CHRM3: variants seen among roughly 807,000 people sequenced by gnomAD.
CHRM3 encodes the protein muscarinic acetylcholine receptor M3.
Under a neutral mutation model 41.8 loss-of-function variants are expected in CHRM3, and 11 were observed. The ratio of observed to expected loss-of-function variants is 0.26; its 90% CI spans 0.17 to 0.44. CHRM3 has a LOEUF of 0.44. Ranked by LOEUF, CHRM3 falls within the 20% of genes least tolerant of loss-of-function variation. The pLI is 1.00. For synonymous variants in CHRM3, 297 were observed against 301.4 expected (o/e 0.99, Z 0.15); for missense variants, 571 against 745.4 (o/e 0.77, Z 2.72).
At chr1:239,559,885 A>G (rs2148484093) in intron 3 of CHRM3, among the ~76,000 whole-genome samples, 1 of 152,334 alleles carries the variant, frequency 6.6e-6, no homozygotes, top group African/African-American at 2.4e-5. Flanking sequence ...TATCAAAATT[A>G]ACCTTTAAGG....
At chr1:239,884,122 G>A (rs532274220) in intron 6 of CHRM3, among the ~76,000 whole-genome samples, 70 of 152,252 alleles carry the variant, frequency 4.6e-4, no homozygotes, top group African/African-American at 1.3e-3. Context: ...AAAAAGATAC[G>A]ACCACATTCT....
At chr1:239,659,176 T>C (rs1672974330) in intron 4 of CHRM3, among the ~76,000 whole-genome samples, 1 of 152,220 alleles carries the variant, frequency 6.6e-6, no homozygotes, top group Non-Finnish European at 1.5e-5. Context: ...GTTCTCTTTC[T>C]ATACGTGTTC....
intron 2 of CHRM3, among the ~76,000 whole-genome samples, chr1:239,504,488 C>G (rs1290340889): frequency 6.6e-6 from 1 of 152,160 alleles, no homozygotes; most frequent in Admixed American, 6.5e-5. Flanking sequence ...AGTACAACCA[C>G]TATGGAAAAT....
intron 5 of CHRM3, among the ~76,000 whole-genome samples, chr1:239,780,188 T>C (rs1668405860): frequency 6.6e-6 from 1 of 152,184 alleles, no homozygotes; most frequent in South Asian, 2.1e-4. Context: ...TATGTTTAGT[T>C]TCGTAAGAAA....
chr1:239,662,905 T>C (rs1015319029), intron 4 of CHRM3, among the ~76,000 whole-genome samples: 1 of 143,796 alleles, frequency 7.0e-6, no homozygotes, highest in African/African-American at 2.6e-5. Context: ...CTTCTTCTTC[T>C]TCTTCTTCTT....
intron 4 of CHRM3, among the ~76,000 whole-genome samples, chr1:239,643,618 G>A (rs539509186): frequency 7.2e-5 from 11 of 152,312 alleles, no homozygotes; most frequent in South Asian, 4.1e-4. Flanking sequence ...TAAACCCGTC[G>A]GAAAAGTGCA....
At chr1:239,644,947 C>A (rs1385250765) in intron 4 of CHRM3, among the ~76,000 whole-genome samples, 1 of 152,158 alleles carries the variant, frequency 6.6e-6, no homozygotes. Context: ...GAATTCCCAG[C>A]CTGGACTTCC....
chr1:239,764,438 G>A (rs182650916), intron 5 of CHRM3, among the ~76,000 whole-genome samples: 30 of 152,268 alleles, frequency 2.0e-4, no homozygotes, highest in Admixed American at 1.4e-3. Context: ...GTTCCCATCC[G>A]AATTGTTCTG....
intron 1 of CHRM3, among the ~76,000 whole-genome samples, chr1:239,417,003 T>C (rs1265198977): frequency 6.6e-6 from 1 of 152,148 alleles, no homozygotes; most frequent in Non-Finnish European, 1.5e-5. Flanking sequence ...TGGGATCCAT[T>C]TGTAGGATGG....
At position 239,692,285 on chromosome 1, in the gene CHRM3, T is replaced by C. The variant is rs189657859; in HGVS notation, c.-147+13997T>C. Among the ~76,000 whole-genome samples the C allele has an allele frequency of 1.1e-4, 17 of 152,272 alleles. No homozygotes were observed. The East Asian group carries it at 3.3e-3, about 29-fold the overall frequency. On this transcript the variant is annotated intron_variant, in intron 5 of 6. Coordinates refer to ENST00000676153, the MANE Select transcript of CHRM3 (RefSeq NM_001375978.1). The stretch of plus-strand genomic sequence containing the variant: ...TTGATGGGGCAGAGTATCTATAAAG[T>C]TTACATGAACTAAGGTCCAAGAATC...
chr1:239,613,592 G>A (rs1343294974), intron 3 of CHRM3, among the ~76,000 whole-genome samples: 1 of 152,188 alleles, frequency 6.6e-6, no homozygotes, highest in Non-Finnish European at 1.5e-5. Context: ...GCAGGTACAA[G>A]GGGAGTGGAA....
At chr1:239,517,935 G>A (rs549280954) in intron 2 of CHRM3, among the ~76,000 whole-genome samples, 139 of 152,186 alleles carry the variant, frequency 9.1e-4, no homozygotes, top group African/African-American at 3.2e-3. Context: ...GTGAAACCCC[G>A]TGTCTACTAA....
intron 1 of CHRM3, among the ~76,000 whole-genome samples, chr1:239,390,705 T>C (rs967549547): frequency 4.6e-5 from 7 of 151,826 alleles, no homozygotes; most frequent in African/African-American, 1.7e-4. Context: ...TTCAAGCAAT[T>C]CTCTGCCTCA....
At chr1:239,726,105 A>G (rs1663413859) in intron 5 of CHRM3, among the ~76,000 whole-genome samples, 1 of 151,910 alleles carries the variant, frequency 6.6e-6, no homozygotes, top group South Asian at 2.1e-4. Flanking sequence ...GTGCACTACA[A>G]CAGCAGAGCT....
At chr1:239,813,639 C>T (rs1361072007) in intron 5 of CHRM3, among the ~76,000 whole-genome samples, 2 of 151,778 alleles carry the variant, frequency 1.3e-5, no homozygotes, top group African/African-American at 2.4e-5. Flanking sequence ...CACAGTTGGC[C>T]GGGCGCGGTG....
chr1:239,606,421 G>A (rs6429141), intron 3 of CHRM3, among the ~76,000 whole-genome samples: 86,304 of 151,482 alleles, frequency 0.57, 24,815 homozygotes, highest in Middle Eastern at 0.65. Context: ...GACTACAGGC[G>A]CCCACCAGCA....
At chr1:239,504,843 A>G (rs1271380718) in intron 2 of CHRM3, among the ~76,000 whole-genome samples, 1 of 151,934 alleles carries the variant, frequency 6.6e-6, no homozygotes. Flanking sequence ...ATTCTCACTC[A>G]TATGTAGGAG....
chr1:239,786,515 G>T (rs1384602436), intron 5 of CHRM3, among the ~76,000 whole-genome samples: 1 of 152,196 alleles, frequency 6.6e-6, no homozygotes, highest in Non-Finnish European at 1.5e-5. Flanking sequence ...CAGTAGGAGA[G>T]GAGTCTGGTG....
chr1:239,397,243 T>A (rs1659562545), intron 1 of CHRM3, among the ~76,000 whole-genome samples: 1 of 152,196 alleles, frequency 6.6e-6, no homozygotes, highest in Non-Finnish European at 1.5e-5. Context: ...AGTTTTCAAA[T>A]TATTTTGCTC....
Sources: allele counts gnomAD v4.1 joint callset (sites outside exome capture counted in the v4.1 genomes callset), GRCh38; gene constraint gnomAD v4.1.1; transcripts MANE v1.5; gene names NCBI Gene and HGNC (gene_info 2026-07-23, HGNC 2026-07-21).